CADPS: variants seen among roughly 807,000 people sequenced by gnomAD.
CADPS encodes the protein calcium dependent secretion activator, also known as calcium-dependent secretion activator 1.
In CADPS, 57 loss-of-function variants were observed where a neutral mutation model predicts 167.3. The ratio of observed to expected loss-of-function variants is 0.34; its 90% CI spans 0.28 to 0.42. The LOEUF (loss-of-function observed/expected upper bound fraction) is 0.42, where lower values mean the gene tolerates loss of function less well. Ranked by LOEUF, CADPS falls within the 20% of genes least tolerant of loss-of-function variation. CADPS has a pLI of 1.00. For synonymous variants in CADPS, 676 were observed against 635.3 expected (o/e 1.06, Z -0.96); for missense variants, 1,414 against 1,738.1 (o/e 0.81, Z 3.32).
In CADPS at chr3:62,843,254, T is replaced by C. The variant is rs60791059; in HGVS notation, c.441+31335A>G. Reference sequence around the variant, plus strand: ...ATTCAAACATTTCAGTGAAGGTTAATAATATTAAACAGAAACAAGATTTAA... The same window carrying C: ...ATTCAAACATTTCAGTGAAGGTTAACAATATTAAACAGAAACAAGATTTAA... On this transcript the variant is annotated intron_variant, in intron 1 of 29. Transcript: ENST00000383710. 7.7e-3 allele frequency among the ~76,000 whole-genome samples: 1,177 copies of C among 152,334 alleles called. 15 individuals are homozygous for C. The highest frequency in any genetic ancestry group is 0.027 in the African/African-American group (1,118 of 41,576).
At chr3:62,865,486 C>T (rs1577577066) in intron 1 of CADPS, among the ~76,000 whole-genome samples, 1 of 151,720 alleles carries the variant, frequency 6.6e-6, no homozygotes, top group Non-Finnish European at 1.5e-5. Flanking sequence ...TTAATATTTT[C>T]CTCCCATGGG....
Position 62,771,182 on chromosome 3 carries a change from T to C in CADPS, c.442-5198A>G, listed in dbSNP as rs185332222. Among the ~76,000 whole-genome samples the C allele has an allele frequency of 9.3e-4, 141 of 152,328 alleles. 1 individual carries two copies. The highest frequency in any genetic ancestry group is 2.4e-3 in the Admixed American group (36 of 15,304). On this transcript the variant is annotated intron_variant, in intron 1 of 29. Transcript: ENST00000383710. ...AGCTATACACATATGTCTCATTTGC[T>C]GCTGTGCACACAGTGAGCTCTCAAC...
intron 3 of CADPS, among the ~76,000 whole-genome samples, chr3:62,745,920 A>T (rs2081351921): frequency 6.6e-6 from 1 of 152,226 alleles, no homozygotes. Flanking sequence ...ACAATAATAG[A>T]AAATAAGTGT....
At chr3:62,457,085 C>T (rs758839269) in intron 26 of CADPS, among the ~76,000 whole-genome samples, 13 of 152,132 alleles carry the variant, frequency 8.5e-5, no homozygotes, top group Non-Finnish European at 1.2e-4. Context: ...CAGCAATTTA[C>T]ATACAGCAGT....
chr3:62,445,669 G>A (rs540631967), intron 27 of CADPS, 96 bp downstream of exon 27: 2 of 773,224 alleles, frequency 2.6e-6, no homozygotes, highest in Admixed American at 3.5e-5. Context: ...CAATTAATAT[G>A]AGTAGCACTA....
chr3:62,581,523 T>TA (rs1562444814), intron 8 of CADPS, among the ~76,000 whole-genome samples: 1 of 151,332 alleles, frequency 6.6e-6, no homozygotes, highest in African/African-American at 2.4e-5. Context: ...CAAATTTTTT[T>TA]AAAAAAACTT....
intron 18 of CADPS, among the ~76,000 whole-genome samples, chr3:62,495,871 T>C (rs1458590438): frequency 3.9e-5 from 6 of 152,218 alleles, no homozygotes; most frequent in Admixed American, 2.6e-4. Flanking sequence ...TATGATGTAC[T>C]CTTAGCTGGT....
At chr3:62,714,884 A>G (rs1015411210) in intron 3 of CADPS, among the ~76,000 whole-genome samples, 1 of 152,186 alleles carries the variant, frequency 6.6e-6, no homozygotes, top group African/African-American at 2.4e-5. Flanking sequence ...CCAATTCACT[A>G]TGTATGAAGC....
At chr3:62,643,411 G>T (rs1314009737) in intron 6 of CADPS, among the ~76,000 whole-genome samples, 1 of 152,156 alleles carries the variant, frequency 6.6e-6, no homozygotes, top group East Asian at 1.9e-4. Context: ...GACTGAAGAG[G>T]AATCAAAAAT....
In CADPS at chr3:62,811,889, T is replaced by C. The variant is rs114299896; in HGVS notation, c.442-45905A>G. ...ATGAATTAAACTTTACAGATACTAG[T>C]ATTTATTTGGCTTTAATATGGTAAG... On this transcript the variant is annotated intron_variant, in intron 1 of 29. Coordinates refer to ENST00000383710, the MANE Select transcript of CADPS (RefSeq NM_003716.4). 7.1e-3 allele frequency among the ~76,000 whole-genome samples: 1,089 copies of C among 152,334 alleles called. 14 individuals carry two copies. The highest frequency in any genetic ancestry group is 0.025 in the African/African-American group (1,031 of 41,578).
Position 62,723,281 on chromosome 3 carries a change from C to T in CADPS, c.888+30160G>A, listed in dbSNP as rs112592359. ...GTCAAGAGAAGATGTTGTAGGTCTC[C>T]GATGAACGCCAGTAGATACTGCTGA... On this transcript the variant is annotated intron_variant, in intron 3 of 29. Transcript: ENST00000383710. Among the ~76,000 whole-genome samples, 23 of 152,112 alleles carry T rather than the reference C, an allele frequency of 1.5e-4. 1 individual carries two copies. Among genetic ancestry groups the T allele is most frequent in the African/African-American group, 5.1e-4 (21 of 41,484 alleles).
intron 6 of CADPS, among the ~76,000 whole-genome samples, chr3:62,626,795 G>T (rs547687462): frequency 1.3e-5 from 2 of 152,236 alleles, no homozygotes; most frequent in South Asian, 4.2e-4. Context: ...GTTAAAAAGT[G>T]AAAATAGATT....
At chr3:62,800,928 C>T (rs1210320398) in intron 1 of CADPS, among the ~76,000 whole-genome samples, 1 of 152,044 alleles carries the variant, frequency 6.6e-6, no homozygotes, top group East Asian at 1.9e-4. Context: ...TATACAAAAC[C>T]CTTATTTTCC....
chr3:62,522,113 C>T (rs187276702), intron 13 of CADPS, among the ~76,000 whole-genome samples: 104 of 151,358 alleles, frequency 6.9e-4, no homozygotes, highest in African/African-American at 2.5e-3. Context: ...ATCTATCTAT[C>T]TATCTATCTA....
chr3:62,552,779 A>C (rs966223586), intron 10 of CADPS, among the ~76,000 whole-genome samples: 1 of 152,194 alleles, frequency 6.6e-6, no homozygotes, highest in Non-Finnish European at 1.5e-5. Context: ...CTACTTCTTT[A>C]TATGGAGGGT....
intron 1 of CADPS, among the ~76,000 whole-genome samples, chr3:62,862,339 C>G (rs879247044): frequency 6.6e-6 from 1 of 151,246 alleles, no homozygotes; most frequent in Admixed American, 6.6e-5. Context: ...GCCTCAACTT[C>G]CCGAGTAGCT....
At chr3:62,808,990 A>G (rs767399432) in intron 1 of CADPS, among the ~76,000 whole-genome samples, 12 of 152,188 alleles carry the variant, frequency 7.9e-5, no homozygotes, top group Non-Finnish European at 1.6e-4. Flanking sequence ...AATTGTAGAC[A>G]TTATTCTTGA....
At chr3:62,712,944 G>A (rs1473413216) in intron 3 of CADPS, among the ~76,000 whole-genome samples, 1 of 152,178 alleles carries the variant, frequency 6.6e-6, no homozygotes, top group East Asian at 1.9e-4. Context: ...GGATGCAAAT[G>A]AGCCAGCCTC....
At chr3:62,454,640 G>A (rs557845007) in intron 26 of CADPS, among the ~76,000 whole-genome samples, 1 of 152,228 alleles carries the variant, frequency 6.6e-6, no homozygotes, top group African/African-American at 2.4e-5. Flanking sequence ...CCGCAAATAA[G>A]ACCTCATATA....
Sources: allele counts gnomAD v4.1 joint callset (sites outside exome capture counted in the v4.1 genomes callset), GRCh38; gene constraint gnomAD v4.1.1; transcripts MANE v1.5; gene names NCBI Gene and HGNC (gene_info 2026-07-23, HGNC 2026-07-21).